RBBP5: variants seen among roughly 807,000 people sequenced by gnomAD.
RBBP5 encodes RB binding protein 5, histone lysine methyltransferase complex subunit.
Under a neutral mutation model 72.2 loss-of-function variants are expected in RBBP5, and 5 were observed. The ratio of observed to expected loss-of-function variants is 0.07; its 90% CI spans 0.04 to 0.15. The LOEUF (loss-of-function observed/expected upper bound fraction) is 0.15, where lower values mean the gene tolerates loss of function less well. Ranked by LOEUF, RBBP5 falls within the 10% of genes least tolerant of loss-of-function variation. The pLI is 1.00. For missense variants in RBBP5, 322 were observed against 652.2 expected (o/e 0.49, Z 5.51); for synonymous variants, 209 against 237.2 (o/e 0.88, Z 1.09).
In RBBP5 at chr1:205,090,518, A is replaced by G. The variant is rs542030402; in HGVS notation, c.1589-1703T>C. 3.3e-5 allele frequency among the ~76,000 whole-genome samples: 5 copies of G among 152,370 alleles called. No homozygotes were observed. In the East Asian group the frequency reaches 9.6e-4, roughly 29 times the overall value. ...AGGCATCAGGCAACAAATCAAAACCAGAGCAAGCAGTACTATGAGCAAGAT... is the reference window on the plus strand; with the variant it reads ...AGGCATCAGGCAACAAATCAAAACCGGAGCAAGCAGTACTATGAGCAAGAT... On this transcript the variant is annotated intron_variant, in intron 13 of 13. Transcript: ENST00000264515.
intron 3 of RBBP5, among the ~76,000 whole-genome samples, chr1:205,109,018 G>C (rs1656195925): frequency 6.6e-6 from 1 of 152,092 alleles, no homozygotes; most frequent in South Asian, 2.1e-4. Flanking sequence ...GCCAGACTCA[G>C]GACTCTAGGA....
chr1:205,118,894 G>A (rs1032220533), intron 1 of RBBP5, among the ~76,000 whole-genome samples: 2 of 152,218 alleles, frequency 1.3e-5, no homozygotes, highest in Non-Finnish European at 2.9e-5. Context: ...TGAGCCACTT[G>A]TCTAACCACA....
chr1:205,093,453 C>T (rs1209802888), intron 13 of RBBP5, among the ~76,000 whole-genome samples: 1 of 56,700 alleles, frequency 1.8e-5, no homozygotes, highest in African/African-American at 6.0e-5. Context: ...AGTGAAACTC[C>T]GTTTCAAAAA....
Position 205,103,940 on chromosome 1 carries a change from C to T in RBBP5, c.439G>A (p.Val147Met), listed in dbSNP as rs1293443263. The change falls in exon 5 of 14, where the codon GTG becomes ATG. Residue 147 changes from valine to methionine, a missense_variant. Physicochemically the swap from Val to Met is conservative, Grantham distance 21 (BLOSUM62 1). Around this residue, in one of 6 missense-constraint regions of RBBP5, gnomAD observed 161 missense variants for 327.8 expected, o/e 0.49. Coordinates refer to ENST00000264515, the MANE Select transcript of RBBP5 (RefSeq NM_005057.4). ...ACGTTCAAATCGGAGTCATCGTCCA[C>T]CGGCAGAACAACATGTTTGGAATCT... Reference protein sequence around the residue: ...LSDSKHVVLPVDDDSDLNVVA... With the variant: ...LSDSKHVVLPMDDDSDLNVVA... The T allele has an allele frequency of 2.5e-6, 4 of 1,614,152 alleles. No homozygotes were observed. Among genetic ancestry groups the T allele is most frequent in the Non-Finnish European group, 3.4e-6 (4 of 1,180,012 alleles).
intron 13 of RBBP5, chr1:205,091,873 G>C (rs1037522561): frequency 1.5e-4 from 23 of 152,154 alleles, no homozygotes; most frequent in Non-Finnish European, 5.9e-5. Context: ...CAGAAGTTTT[G>C]CATCAGGTTT....
At chr1:205,089,302 C>T (rs1243673874) in intron 13 of RBBP5, among the ~76,000 whole-genome samples, 3 of 152,150 alleles carry the variant, frequency 2.0e-5, no homozygotes, top group Non-Finnish European at 4.4e-5. Flanking sequence ...CTTAGAATCC[C>T]AAATATGGTG....
At chr1:205,116,359 T>C (rs1399532328) in intron 1 of RBBP5, 2 of 357,674 alleles carry the variant, frequency 5.6e-6, no homozygotes, top group Non-Finnish European at 5.8e-6. Flanking sequence ...GGTAGGTAGA[T>C]ATCACCTACA....
intron 3 of RBBP5, among the ~76,000 whole-genome samples, chr1:205,110,925 G>A (rs185480599): frequency 1.2e-4 from 18 of 152,050 alleles, no homozygotes; most frequent in South Asian, 2.1e-4. Flanking sequence ...TTAGCCGGGC[G>A]TGGTGGCCTG....
chr1:205,092,277 C>T (rs960510305), intron 13 of RBBP5, among the ~76,000 whole-genome samples: 2 of 152,164 alleles, frequency 1.3e-5, no homozygotes, highest in African/African-American at 4.8e-5. Context: ...TGGAACTATA[C>T]CTCAATGCCC....
chr1:205,086,324 C>A lies in RBBP5; in HGVS notation c.*2463G>T. ...CAATCTCAGCTCACTGCAACCTCTGCCTCCTGGATTCAAGCAATTCTCCTG... is the reference window on the plus strand; with the variant it reads ...CAATCTCAGCTCACTGCAACCTCTGACTCCTGGATTCAAGCAATTCTCCTG... On this transcript the variant is annotated 3_prime_UTR_variant, in exon 14 of 14. Transcript: ENST00000264515. The A allele has an allele frequency of 6.6e-6, 1 of 150,544 alleles. No homozygotes were observed. 9.3% of individuals were successfully genotyped at this position (150,544 alleles called of 1,614,324 possible).
At chr1:205,098,916 C>A in intron 10 of RBBP5, 73 bp downstream of exon 10, 14 of 863,968 alleles carry the variant, frequency 1.6e-5, no homozygotes, top group South Asian at 1.4e-4. Context: ...AAATTTACAA[C>A]ACAAATGAAG....
intron 1 of RBBP5, 106 bp downstream of exon 1, chr1:205,121,749 T>C (rs992386396): frequency 4.1e-5 from 64 of 1,556,488 alleles, no homozygotes; most frequent in Admixed American, 3.2e-4. Context: ...CAGTGATCCA[T>C]AGCCGAACAG....
chr1:205,106,193 C>T (rs1656057623), intron 3 of RBBP5, among the ~76,000 whole-genome samples: 1 of 152,170 alleles, frequency 6.6e-6, no homozygotes, highest in Admixed American at 6.5e-5. Context: ...AGTAATGAGG[C>T]CAAGTAAGAA....
Position 205,096,835 on chromosome 1 carries a change from G to T in RBBP5, c.1243C>A (p.Pro415Thr). ...ACTGCATCCGGTGGGGGGCCGTAAG[G>T]ATTTTCTTCTGGGTCTTCTACCTCA... is the stretch of plus-strand genomic sequence containing the variant. Reference protein sequence around the residue: ...APEVEDPEENPYGPPPDAVQT... With the variant: ...APEVEDPEENTYGPPPDAVQT... Residue 415 changes from proline (P) to threonine (T), a missense_variant, in exon 12 of 14, where the codon CCT becomes ACT. By Grantham distance (38) the Pro-to-Thr change is conservative. This residue lies in a region of RBBP5 where 109 missense variants were observed against 146.3 expected (regional missense o/e 0.75). Transcript: ENST00000264515. 1 of 1,614,108 alleles carries T rather than the reference G, an allele frequency of 6.2e-7. No individual in the cohort carries two copies. The highest frequency in any genetic ancestry group is 8.5e-7 in the Non-Finnish European group (1 of 1,180,018).
chr1:205,089,009 AC>A (rs1263574596), intron 13 of RBBP5, among the ~76,000 whole-genome samples, 194 bp from the exon 14 acceptor site: 3 of 151,664 alleles, frequency 2.0e-5, no homozygotes, highest in Non-Finnish European at 2.9e-5. Flanking sequence ...CCAAATCCAA[AC>A]CCCCCACCCC....
chr1:205,113,337 G>T (rs1408063048), intron 3 of RBBP5, among the ~76,000 whole-genome samples: 1 of 151,776 alleles, frequency 6.6e-6, no homozygotes, highest in Non-Finnish European at 1.5e-5. Context: ...CTGGAGTGCA[G>T]TGGCACAATC....
At position 205,114,783 on chromosome 1, in the gene RBBP5, T is replaced by C. The variant is rs1168525497; in HGVS notation, c.218+6A>G. 1 of 1,507,526 alleles carries C rather than the reference T, an allele frequency of 6.6e-7. No homozygotes were observed. The highest frequency in any genetic ancestry group is 2.4e-5 in the Admixed American group (1 of 42,134). 93.4% of individuals were successfully genotyped at this position (1,507,526 alleles called of 1,614,324 possible). On this transcript the variant is annotated splice_donor_region_variant and intron_variant, in intron 3 of 13. Transcript: ENST00000264515. ...ATATTTAAATATTAATTAAAAAATG[T>C]CTTACCATAAAGAACACACTGGATG...
At chr1:205,101,767 T>C (rs1655832214) in intron 5 of RBBP5, 58 bp from the exon 6 acceptor site, 2 of 1,266,468 alleles carry the variant, frequency 1.6e-6, no homozygotes, top group South Asian at 2.5e-5. Context: ...CAATAATTGA[T>C]TTGGCTTGTT....
At chr1:205,098,844 C>CAA (rs71147725) in intron 10 of RBBP5, 145 bp downstream of exon 10, 7,128 of 282,532 alleles carry the variant, frequency 0.025, 60 homozygotes, top group Admixed American at 0.079. Flanking sequence ...AATTCCATCT[C>CAA]AAAAAAAAAA....
Sources: gnomAD v4.1 joint callset for allele counts (sites outside exome capture counted in the v4.1 genomes callset) on GRCh38, gnomAD v4.1.1 for gene constraint, gnomAD v4.1.1 regional missense constraint, MANE v1.5 for transcripts, NCBI Gene and HGNC (gene_info 2026-07-23, HGNC 2026-07-21) for gene names.